The following ZDHHC15 variants were observed in gnomAD, a reference collection of about 807,000 sequenced individuals.
ZDHHC15 encodes zDHHC palmitoyltransferase 15.
A neutral mutation model predicts 31.7 loss-of-function variants in ZDHHC15; 19 were observed. The ratio of observed to expected loss-of-function variants is 0.60; its 90% confidence interval spans 0.42 to 0.88. ZDHHC15 has a LOEUF of 0.88. ZDHHC15 is among the 40% of genes least tolerant of loss of function. The pLI is 0.00. For missense variants in ZDHHC15, 209 were observed against 251.2 expected (o/e 0.83, Z 1.14); for synonymous variants, 103 against 90.0 (o/e 1.14, Z -0.82).
At position 75,429,200 on chromosome X, in the gene ZDHHC15, TA is replaced by T. The variant is rs773363655; in HGVS notation, c.483-3del. The T allele has an allele frequency of 6.5e-5, 76 of 1,163,552 alleles. No homozygotes were observed. The highest frequency in any genetic ancestry group is 4.4e-4 in the Admixed American group (17 of 38,863). On this transcript the variant is annotated splice_region_variant and splice_polypyrimidine_tract_variant and intron_variant, in intron 6 of 11. Coordinates refer to ENST00000373367, the MANE Select transcript of ZDHHC15 (RefSeq NM_144969.3). ...GAAAATCCAATGCAGTTATTAACCC[TA>T]AAAAAAAAGAAAAACTAATTTGACA...
rs759156514 is a variant in ZDHHC15, at chrX:75,490,764, G to C, written c.164-11779C>G. Among the ~76,000 whole-genome samples, 10 of 111,579 alleles carry C rather than the reference G, an allele frequency of 9.0e-5. No individual in the cohort carries two copies. The South Asian group carries it at 3.1e-3, about 34-fold the overall frequency. ...TTCTCTTTGAAGCAATTGTGAATGG[G>C]AGCTCACTCATGATTTGGCTCTCTG... On this transcript the variant is annotated intron_variant, in intron 2 of 11. Transcript: ENST00000373367.
chrX:75,462,104 A>G (rs2084325829), intron 3 of ZDHHC15, among the ~76,000 whole-genome samples: 2 of 111,909 alleles, frequency 1.8e-5, no homozygotes, highest in Non-Finnish European at 3.8e-5. Context: ...ACAAATGAAA[A>G]ACAGAAAAAA....
At chrX:75,442,433 C>T (rs1356967468) in intron 4 of ZDHHC15, among the ~76,000 whole-genome samples, 1 of 111,950 alleles carries the variant, frequency 8.9e-6, no homozygotes. Flanking sequence ...TCTCCTTAAG[C>T]TGATATGCAA....
intron 3 of ZDHHC15, among the ~76,000 whole-genome samples, chrX:75,462,910 T>C (rs922556976): frequency 1.8e-5 from 2 of 109,914 alleles, no homozygotes; most frequent in African/African-American, 3.3e-5. Flanking sequence ...AGACGAGAAA[T>C]AGCCAAGATC....
chrX:75,456,274 G>A (rs1311587423), intron 3 of ZDHHC15, among the ~76,000 whole-genome samples: 2 of 105,823 alleles, frequency 1.9e-5, no homozygotes, highest in East Asian at 3.1e-4. Flanking sequence ...AACACCACAT[G>A]TTCTCACTCA....
At chrX:75,478,171 G>T (rs2084635644) in intron 3 of ZDHHC15, among the ~76,000 whole-genome samples, 2 of 111,642 alleles carry the variant, frequency 1.8e-5, no homozygotes, top group South Asian at 7.4e-4. Flanking sequence ...TCGCATTTAA[G>T]GTAACACAGT....
At chrX:75,440,003 A>G (rs986171920) in intron 4 of ZDHHC15, among the ~76,000 whole-genome samples, 12 of 111,722 alleles carry the variant, frequency 1.1e-4, no homozygotes, top group Non-Finnish European at 1.5e-4. Flanking sequence ...GTCTGCAAAG[A>G]GTCCTGTGAT....
intron 3 of ZDHHC15, among the ~76,000 whole-genome samples, chrX:75,471,059 C>A (rs1050809549): frequency 1.8e-5 from 2 of 112,077 alleles, no homozygotes; most frequent in Non-Finnish European, 3.8e-5. Context: ...GTAAGCTTCA[C>A]GATGACTCCA....
chrX:75,516,842 C>A (rs1169472450), intron 1 of ZDHHC15, among the ~76,000 whole-genome samples: 3 of 111,795 alleles, frequency 2.7e-5, no homozygotes, highest in Non-Finnish European at 5.6e-5. Context: ...ACACATCTGA[C>A]AAAGGGCTAA....
intron 1 of ZDHHC15, among the ~76,000 whole-genome samples, chrX:75,515,905 T>C (rs1378137326): frequency 5.5e-4 from 61 of 111,662 alleles, no homozygotes; most frequent in Non-Finnish European, 1.0e-3. Flanking sequence ...ACCAAATCAA[T>C]GTGCAAAAAT....
chrX:75,470,927 T>G (rs367859851), intron 3 of ZDHHC15, among the ~76,000 whole-genome samples: 1 of 111,901 alleles, frequency 8.9e-6, no homozygotes, highest in Non-Finnish European at 1.9e-5. Flanking sequence ...GGATTGTGAT[T>G]AGTGCCACCA....
At chrX:75,394,693 C>A (rs2083281791) in intron 10 of ZDHHC15, among the ~76,000 whole-genome samples, 1 of 111,770 alleles carries the variant, frequency 8.9e-6, no homozygotes, top group Non-Finnish European at 1.9e-5. Flanking sequence ...AGTATACTTA[C>A]ACTCAACACT....
At chrX:75,417,215 C>A (rs1250288719) in intron 9 of ZDHHC15, 25 bp from the exon 10 acceptor site, 8 of 1,059,599 alleles carry the variant, frequency 7.6e-6, no homozygotes, top group Non-Finnish European at 1.0e-5. Flanking sequence ...AAGGCAGTGA[C>A]CTATTGCAGC....
At chrX:75,487,091 A>T (rs1384526512) in intron 2 of ZDHHC15, among the ~76,000 whole-genome samples, 1 of 111,688 alleles carries the variant, frequency 9.0e-6, no homozygotes, top group Non-Finnish European at 1.9e-5. Flanking sequence ...CATTACAGCA[A>T]CTCATAACAG....
intron 2 of ZDHHC15, among the ~76,000 whole-genome samples, chrX:75,484,431 T>C (rs1322675659): frequency 8.9e-6 from 1 of 112,010 alleles, no homozygotes; most frequent in Non-Finnish European, 1.9e-5. Context: ...GATATACAGA[T>C]GGCAAACAAG....
intron 3 of ZDHHC15, among the ~76,000 whole-genome samples, chrX:75,464,201 C>T (rs141795826): frequency 0.04 from 4,443 of 110,761 alleles, 103 homozygotes; most frequent in Middle Eastern, 0.069. Context: ...CACCAAACAC[C>T]GCATATTCTC....
At chrX:75,409,897 C>G (rs1446594686) in intron 10 of ZDHHC15, among the ~76,000 whole-genome samples, 1 of 107,544 alleles carries the variant, frequency 9.3e-6, no homozygotes, top group Non-Finnish European at 1.9e-5. Context: ...CACACATAGA[C>G]CAATGAAGAC....
chrX:75,495,827 T>A (rs906585665), intron 2 of ZDHHC15, among the ~76,000 whole-genome samples: 1 of 106,431 alleles, frequency 9.4e-6, no homozygotes, highest in Non-Finnish European at 1.9e-5. Context: ...GCATTCCTAA[T>A]GTTAGATAAT....
At chrX:75,475,997 G>A (rs1483236448) in intron 3 of ZDHHC15, among the ~76,000 whole-genome samples, 1 of 110,755 alleles carries the variant, frequency 9.0e-6, no homozygotes, top group African/African-American at 3.3e-5. Flanking sequence ...TGCTTTTTTA[G>A]TTTCCTTTCA....
Sources: gnomAD v4.1 joint callset for allele counts (sites outside exome capture counted in the v4.1 genomes callset) on GRCh38, gnomAD v4.1.1 for gene constraint, MANE v1.5 for transcripts, NCBI Gene and HGNC (gene_info 2026-07-23, HGNC 2026-07-21) for gene names.